The following AFG2A variants were observed in gnomAD, a reference collection of about 807,000 sequenced individuals.
The protein encoded by AFG2A is ATPase family gene 2 protein homolog A.
the AFG2A span, among the ~76,000 whole-genome samples, chr4:122,945,133 G>T: frequency 1.6e-4 from 25 of 152,336 alleles, no homozygotes; most frequent in South Asian, 5.2e-3. Context: ...CAGATCTCCA[G>T]CTGCGTGCTG....
the AFG2A span, chr4:122,979,348 C>G: frequency 6.2e-7 from 1 of 1,614,134 alleles, no homozygotes; most frequent in African/African-American, 1.3e-5. Context: ...TGATATCAGA[C>G]CCAGTGCCAT....
the AFG2A span, among the ~76,000 whole-genome samples, chr4:123,249,926 T>A: frequency 6.6e-6 from 1 of 152,136 alleles, no homozygotes. Flanking sequence ...TTACCAAAGA[T>A]CCACCTTTCT....
chr4:123,289,451 G>A, the AFG2A span, among the ~76,000 whole-genome samples: 1 of 152,090 alleles, frequency 6.6e-6, no homozygotes, highest in Non-Finnish European at 1.5e-5. Context: ...CCCTTGTGAT[G>A]GTGAACTGTA....
At chr4:123,031,299 G>A in the AFG2A span, among the ~76,000 whole-genome samples, 18 of 152,116 alleles carry the variant, frequency 1.2e-4, no homozygotes, top group East Asian at 3.5e-3. Flanking sequence ...TAACAGGCAA[G>A]CACCCCAACG....
the AFG2A span, among the ~76,000 whole-genome samples, chr4:123,154,739 G>GA: frequency 1.3e-5 from 2 of 151,986 alleles, no homozygotes; most frequent in South Asian, 2.1e-4. Flanking sequence ...ATGGATTAGA[G>GA]AAAAAAATAT....
chr4:123,002,150 T>G, the AFG2A span, among the ~76,000 whole-genome samples: 1 of 152,102 alleles, frequency 6.6e-6, no homozygotes, highest in Non-Finnish European at 1.5e-5. Flanking sequence ...TGTTTTCCAT[T>G]TGCTTGGTAG....
the AFG2A span, among the ~76,000 whole-genome samples, chr4:123,270,582 C>T: frequency 2.6e-5 from 4 of 151,336 alleles, no homozygotes; most frequent in Admixed American, 6.6e-5. Context: ...GGTTCTTCAG[C>T]GAAATAATGC....
the AFG2A span, among the ~76,000 whole-genome samples, chr4:123,228,824 T>C: frequency 3.3e-5 from 5 of 151,982 alleles, no homozygotes; most frequent in African/African-American, 1.2e-4. Context: ...CCATAACTGG[T>C]AGAACATATA....
At chr4:123,117,532 A>G in the AFG2A span, among the ~76,000 whole-genome samples, 4 of 151,044 alleles carry the variant, frequency 2.6e-5, no homozygotes, top group African/African-American at 9.7e-5. Context: ...ATACTCATCT[A>G]TTGTGCTACA....
At chr4:123,126,654 G>A in the AFG2A span, among the ~76,000 whole-genome samples, 2 of 152,094 alleles carry the variant, frequency 1.3e-5, no homozygotes, top group African/African-American at 2.4e-5. Flanking sequence ...TTTATAAGGG[G>A]CTTTTCCCCT....
At chr4:122,955,918 A>G in the AFG2A span, among the ~76,000 whole-genome samples, 2 of 152,202 alleles carry the variant, frequency 1.3e-5, no homozygotes, top group African/African-American at 4.8e-5. Flanking sequence ...TGGATTACCT[A>G]GGGATCAAAA....
At chr4:123,018,976 G>A in the AFG2A span, among the ~76,000 whole-genome samples, 14,271 of 151,828 alleles carry the variant, frequency 0.094, 871 homozygotes, top group Middle Eastern at 0.21. Flanking sequence ...TTAGTTTAAA[G>A]TGATCAGAAC....
At chr4:123,157,822 A>T in the AFG2A span, among the ~76,000 whole-genome samples, 1 of 152,202 alleles carries the variant, frequency 6.6e-6, no homozygotes. Context: ...TAAAAGAACA[A>T]AACCTATTCA....
chr4:122,974,500 A>G, the AFG2A span, among the ~76,000 whole-genome samples: 1 of 152,176 alleles, frequency 6.6e-6, no homozygotes, highest in Admixed American at 6.5e-5. Context: ...ATACTCCTCA[A>G]CTTATGATGG....
chr4:123,102,853 T>C, the AFG2A span, among the ~76,000 whole-genome samples: 1 of 147,278 alleles, frequency 6.8e-6, no homozygotes, highest in Admixed American at 6.8e-5. Flanking sequence ...CAAAAAAGTA[T>C]CTGAAGGGGC....
the AFG2A span, among the ~76,000 whole-genome samples, chr4:123,225,832 C>T: frequency 0.031 from 4,763 of 152,248 alleles, 130 homozygotes; most frequent in South Asian, 0.045. Flanking sequence ...ATTGATTCTT[C>T]CTACCCATGA....
the AFG2A span, among the ~76,000 whole-genome samples, chr4:123,127,042 G>C: frequency 6.6e-6 from 1 of 152,068 alleles, no homozygotes; most frequent in Non-Finnish European, 1.5e-5. Context: ...GAAACTTTGG[G>C]AGACCTTGTC....
At chr4:123,192,637 A>C in the AFG2A span, among the ~76,000 whole-genome samples, 1 of 152,226 alleles carries the variant, frequency 6.6e-6, no homozygotes, top group Non-Finnish European at 1.5e-5. Flanking sequence ...TCACTGAAGT[A>C]AGCAGTCTTT....
chr4:123,277,199 G>A, the AFG2A span, among the ~76,000 whole-genome samples: 1 of 152,048 alleles, frequency 6.6e-6, no homozygotes, highest in African/African-American at 2.4e-5. Flanking sequence ...TCACCTCCTT[G>A]GTTAGCCATA....
Sources: gnomAD v4.1 joint callset for allele counts (sites outside exome capture counted in the v4.1 genomes callset) on GRCh38, gnomAD v4.1.1 for gene constraint, MANE v1.5 for transcripts, NCBI Gene and HGNC (gene_info 2026-07-23, HGNC 2026-07-21) for gene names.